The following EEF1AKMT2 variants were observed in gnomAD, a reference collection of about 807,000 sequenced individuals.
EEF1AKMT2 encodes EEF1A lysine methyltransferase 2, also known as eukaryotic translation elongation factor 1 alpha lysine methyltransferase 2.
A neutral mutation model predicts 35.8 loss-of-function variants in EEF1AKMT2; 32 were observed. The observed-to-expected ratio is 0.89, with a 90% CI of 0.67 to 1.20. EEF1AKMT2 has a LOEUF of 1.20. EEF1AKMT2 is among the 50% of genes most tolerant of loss of function. The pLI, the probability that EEF1AKMT2 is intolerant of heterozygous loss-of-function variation, is 0.00. For synonymous variants in EEF1AKMT2, 121 were observed against 133.7 expected (o/e 0.91, Z 0.65); for missense variants, 330 against 347.5 (o/e 0.95, Z 0.40).
chr10:124,761,535 G>A (rs886769582), intron 6 of EEF1AKMT2, among the ~76,000 whole-genome samples: 3 of 152,084 alleles, frequency 2.0e-5, no homozygotes, highest in Non-Finnish European at 4.4e-5. Flanking sequence ...TCACAGTATG[G>A]TTTAAAAAAA....
In EEF1AKMT2 at chr10:124,758,814, G is replaced by A. The variant is rs902389331; in HGVS notation, c.*1689C>T. 2 of 152,046 alleles carry A rather than the reference G, an allele frequency of 1.3e-5. No individual in the cohort carries two copies. The highest frequency in any genetic ancestry group is 2.9e-5 in the Non-Finnish European group (2 of 67,998). The allele number at this position is 152,046 out of a possible 1,614,324, so 9.4% of individuals were successfully genotyped here. A position where few individuals can be genotyped will look rare whatever the true frequency, so the allele number is the denominator to read the frequency against. ...CTACAGTTTAAGATCTCCTGTCTTG[G>A]TAAAATCAACACAATCTTCTAAAAA... On this transcript the variant is annotated 3_prime_UTR_variant, in exon 7 of 7. Coordinates refer to ENST00000368836, the MANE Select transcript of EEF1AKMT2 (RefSeq NM_212554.4).
chr10:124,767,623 A>G (rs1950390951), intron 4 of EEF1AKMT2, among the ~76,000 whole-genome samples: 1 of 152,200 alleles, frequency 6.6e-6, no homozygotes, highest in Non-Finnish European at 1.5e-5. Flanking sequence ...ATAAAGTGCC[A>G]TGAAGAAAAT....
Position 124,774,764 on chromosome 10 carries a change from T to C in EEF1AKMT2, c.310A>G (p.Asn104Asp), listed in dbSNP as rs372176056. The C allele has an allele frequency of 8.9e-6, 13 of 1,465,488 alleles. No homozygotes were observed. The highest frequency in any genetic ancestry group is 1.2e-5 in the Non-Finnish European group (13 of 1,110,544). 90.8% of individuals were successfully genotyped at this position (1,465,488 alleles called of 1,614,324 possible). ...LVELAKFGFS[N>D]ITGIDYSPSA... is the part of the protein sequence containing the mutation. ...GGAGAGTAATCAATTCCAGTAATAT[T>C]AGAGAAACCAAATTTTGCCTAGAGA... The change falls in exon 4 of 7, where the codon AAT becomes GAT. Residue 104 changes from asparagine (N) to aspartate (D), a missense_variant. By Grantham distance (23) the Asn-to-Asp change is conservative. Transcript: ENST00000368836.
In EEF1AKMT2 at chr10:124,774,681, C is replaced by G. The variant is rs749122080; in HGVS notation, c.393G>C (p.Lys131Asn). The G allele has an allele frequency of 5.0e-6, 7 of 1,392,536 alleles. No individual in the cohort carries two copies. Among genetic ancestry groups the G allele is most frequent in the Non-Finnish European group, 6.7e-6 (7 of 1,050,688 alleles). The allele number at this position is 1,392,536 out of a possible 1,614,324, so 86.3% of individuals were successfully genotyped here. The change falls in exon 4 of 7, where the codon AAG becomes AAC. Residue 131 changes from lysine (K) to asparagine (N), a missense_variant. Physicochemically the swap from Lys to Asn is moderately conservative, Grantham distance 94. Coordinates refer to ENST00000368836, the MANE Select transcript of EEF1AKMT2 (RefSeq NM_212554.4). ...IIEKEGLSNI[K>N]LKVEDFLNLS... The stretch of plus-strand genomic sequence containing the variant: ...TAATATAAATAATAGTTACCTTTAA[C>G]TTAATGTTAGATAAACCTTCTTTTT...
At chr10:124,783,137 C>CTTT (rs34632746) in intron 3 of EEF1AKMT2, among the ~76,000 whole-genome samples, 32 of 85,010 alleles carry the variant, frequency 3.8e-4, no homozygotes, top group South Asian at 1.1e-3. Context: ...AGGGAAAAAC[C>CTTT]TTTTTTTTTT....
chr10:124,778,352 C>T (rs987693285), intron 3 of EEF1AKMT2, among the ~76,000 whole-genome samples: 2 of 152,072 alleles, frequency 1.3e-5, no homozygotes, highest in African/African-American at 2.4e-5. Context: ...GCCTCAGATT[C>T]AAGAAACAGT....
intron 6 of EEF1AKMT2, among the ~76,000 whole-genome samples, chr10:124,761,788 G>A (rs554421346): frequency 1.9e-4 from 29 of 152,290 alleles, no homozygotes; most frequent in African/African-American, 7.0e-4. Flanking sequence ...CCGTTGTGGT[G>A]GCCTGTGCCT....
chr10:124,765,746 A>C (rs1452214549), intron 4 of EEF1AKMT2, 138 bp from the exon 5 acceptor site: 1 of 642,994 alleles, frequency 1.6e-6, no homozygotes, highest in East Asian at 2.8e-5. Flanking sequence ...ACATATTTTC[A>C]ACTTTATAGC....
intron 4 of EEF1AKMT2, among the ~76,000 whole-genome samples, chr10:124,769,407 C>A (rs1480541200): frequency 1.3e-5 from 2 of 151,172 alleles, no homozygotes; most frequent in African/African-American, 4.9e-5. Flanking sequence ...GAGGAGGAAA[C>A]CAAGAGTTTC....
At chr10:124,782,664 T>C (rs1950552605) in intron 3 of EEF1AKMT2, among the ~76,000 whole-genome samples, 1 of 145,336 alleles carries the variant, frequency 6.9e-6, no homozygotes, top group Non-Finnish European at 1.5e-5. Flanking sequence ...ATACAAAAAG[T>C]AGCCGTGTGT....
chr10:124,765,007 T>C (rs1335697783), intron 5 of EEF1AKMT2, among the ~76,000 whole-genome samples: 1 of 152,194 alleles, frequency 6.6e-6, no homozygotes, highest in Non-Finnish European at 1.5e-5. Flanking sequence ...GCTTATGCGA[T>C]CCTCTCACCT....
chr10:124,761,495 G>A (rs1376100026), intron 6 of EEF1AKMT2, among the ~76,000 whole-genome samples: 1 of 152,076 alleles, frequency 6.6e-6, no homozygotes, highest in Non-Finnish European at 1.5e-5. Context: ...AAAGGGCCTG[G>A]AAGACAAGGA....
At chr10:124,770,564 G>A (rs1053595363) in intron 4 of EEF1AKMT2, among the ~76,000 whole-genome samples, 1 of 152,180 alleles carries the variant, frequency 6.6e-6, no homozygotes, top group Admixed American at 6.5e-5. Context: ...GAAGGCTGGG[G>A]TAGCTGTGAA....
intron 2 of EEF1AKMT2, 46 bp from the exon 3 acceptor site, chr10:124,789,203 G>T: frequency 7.8e-7 from 1 of 1,275,468 alleles, no homozygotes; most frequent in Non-Finnish European, 1.1e-6. Flanking sequence ...CAGAGCAAAA[G>T]TCACCACTAT....
chr10:124,773,223 G>A (rs752617421), intron 4 of EEF1AKMT2, among the ~76,000 whole-genome samples: 5 of 151,914 alleles, frequency 3.3e-5, no homozygotes, highest in South Asian at 2.1e-4. Context: ...TTTTTGAGAC[G>A]CAGTCTCCCC....
intron 4 of EEF1AKMT2, among the ~76,000 whole-genome samples, chr10:124,770,310 G>A (rs113714281): frequency 4.0e-5 from 6 of 151,744 alleles, no homozygotes; most frequent in South Asian, 2.1e-4. Context: ...CCAGCTACTC[G>A]GGAGGCTGAG....
At chr10:124,775,582 C>T (rs1564905429) in intron 3 of EEF1AKMT2, among the ~76,000 whole-genome samples, 1 of 152,138 alleles carries the variant, frequency 6.6e-6, no homozygotes, top group Non-Finnish European at 1.5e-5. Context: ...AAATTCCCTT[C>T]CTGCTCTTCA....
intron 4 of EEF1AKMT2, among the ~76,000 whole-genome samples, chr10:124,771,678 G>A (rs997353981): frequency 2.0e-4 from 31 of 151,756 alleles, no homozygotes; most frequent in African/African-American, 7.5e-4. Flanking sequence ...GACCACCCTG[G>A]CTAACACGGT....
intron 3 of EEF1AKMT2, among the ~76,000 whole-genome samples, chr10:124,786,703 A>G (rs1950587415): frequency 6.6e-6 from 1 of 151,774 alleles, no homozygotes. Context: ...CTAGCTACTC[A>G]GGAGGCTGAG....
Sources: allele counts gnomAD v4.1 joint callset (sites outside exome capture counted in the v4.1 genomes callset), GRCh38; gene constraint gnomAD v4.1.1; transcripts MANE v1.5; gene names NCBI Gene and HGNC (gene_info 2026-07-23, HGNC 2026-07-21).